The following SUGCT variants were observed in gnomAD, a reference collection of about 807,000 sequenced individuals.
SUGCT encodes the protein succinyl-CoA:glutarate-CoA transferase, also known as succinyl-CoA:glutarate CoA-transferase.
SUGCT carries 41 observed loss-of-function variants against 55.0 expected under a neutral mutation model. The observed-to-expected ratio is 0.74, with a 90% CI of 0.58 to 0.97. The LOEUF is 0.97. Among genes scored for constraint, SUGCT ranks in the 50% least tolerant of loss-of-function variants. The probability of loss-of-function intolerance (pLI) is 0.00; values close to 1 mark genes in which losing one functional copy is unlikely to be tolerated. For synonymous variants in SUGCT, 187 were observed against 200.4 expected, an observed-to-expected ratio of 0.93 and a Z score of 0.56; for missense variants, 568 against 547.8, an observed-to-expected ratio of 1.04 and a Z score of -0.37.
intron 13 of SUGCT, among the ~76,000 whole-genome samples, chr7:40,849,536 A>G (rs1049944719): frequency 6.6e-6 from 1 of 152,070 alleles, no homozygotes; most frequent in Non-Finnish European, 1.5e-5. Flanking sequence ...GGTTTCCCCC[A>G]TGTTTTTGGC....
chr7:40,929,385 C>T, the SUGCT span, among the ~76,000 whole-genome samples: 14 of 152,228 alleles, frequency 9.2e-5, no homozygotes, highest in Middle Eastern at 3.4e-3. Context: ...AATAAACACA[C>T]GTGTGCATGT....
intron 12 of SUGCT, among the ~76,000 whole-genome samples, chr7:40,667,701 T>G (rs891800108): frequency 1.3e-5 from 2 of 152,152 alleles, no homozygotes; most frequent in Admixed American, 6.5e-5. Context: ...CAGTAATTTA[T>G]TCATTTCCTC....
At chr7:40,959,517 C>G in the SUGCT span, among the ~76,000 whole-genome samples, 2 of 152,142 alleles carry the variant, frequency 1.3e-5, no homozygotes, top group African/African-American at 4.8e-5. Flanking sequence ...TGACCCTCCC[C>G]CCACCAAGCT....
intron 9 of SUGCT, among the ~76,000 whole-genome samples, chr7:40,354,483 T>TA (rs1295543174): frequency 6.6e-6 from 1 of 152,242 alleles, no homozygotes; most frequent in African/African-American, 2.4e-5. Context: ...CTTCTTGAGA[T>TA]ACAGTGCCCA....
At position 40,356,819 on chromosome 7, in the gene SUGCT, T is replaced by C. The variant is rs1181923199; in HGVS notation, c.816+39964T>C. On this transcript the variant is annotated intron_variant, in intron 9 of 13. Coordinates refer to ENST00000335693, the MANE Select transcript of SUGCT (RefSeq NM_001193313.2). ...TCTTCAGCCTCTTCAAAATCAGTACTGACTCCTTGAAAGAACAACTGAACA... is the reference window on the plus strand; with the variant it reads ...TCTTCAGCCTCTTCAAAATCAGTACCGACTCCTTGAAAGAACAACTGAACA... Among the ~76,000 whole-genome samples the C allele has an allele frequency of 3.9e-5, 6 of 152,348 alleles. No individual in the cohort carries two copies. In the South Asian group the frequency reaches 6.2e-4, roughly 16 times the overall value.
intron 9 of SUGCT, among the ~76,000 whole-genome samples, chr7:40,440,156 T>G (rs55973837): frequency 0.013 from 1,057 of 78,368 alleles, 8 homozygotes; most frequent in Non-Finnish European, 0.023. Context: ...TTTTTTTTTT[T>G]TTTTTTTTTT....
chr7:40,272,664 ATT>A (rs1187514804), intron 7 of SUGCT, among the ~76,000 whole-genome samples: 2 of 133,502 alleles, frequency 1.5e-5, no homozygotes, highest in Non-Finnish European at 1.6e-5. Flanking sequence ...TATTATTATT[ATT>A]TTTTTTTTTT....
intron 3 of SUGCT, among the ~76,000 whole-genome samples, chr7:40,185,209 TA>T (rs1228778278): frequency 5.3e-5 from 8 of 152,220 alleles, no homozygotes; most frequent in Non-Finnish European, 2.9e-5. Context: ...TTAAAGCTTC[TA>T]ATTTCCATAT....
At chr7:40,961,711 T>A in the SUGCT span, among the ~76,000 whole-genome samples, 1 of 152,092 alleles carries the variant, frequency 6.6e-6, no homozygotes, top group Non-Finnish European at 1.5e-5. Flanking sequence ...TTCCTTCAGA[T>A]GTTCAGATGT....
At chr7:40,898,011 G>C in the SUGCT span, among the ~76,000 whole-genome samples, 1 of 152,148 alleles carries the variant, frequency 6.6e-6, no homozygotes, top group Non-Finnish European at 1.5e-5. Flanking sequence ...CCCTTCCGGT[G>C]TGAAAGGTGT....
the SUGCT span, among the ~76,000 whole-genome samples, chr7:41,035,560 C>G: frequency 4.5e-3 from 689 of 152,242 alleles, 3 homozygotes; most frequent in African/African-American, 0.016. Context: ...TTTTGTTATG[C>G]CTAGGACAGG....
chr7:41,013,265 A>C, the SUGCT span, among the ~76,000 whole-genome samples: 1 of 152,204 alleles, frequency 6.6e-6, no homozygotes, highest in African/African-American at 2.4e-5. Context: ...ATGGCTTGGT[A>C]AACTAATCAC....
intron 12 of SUGCT, among the ~76,000 whole-genome samples, chr7:40,749,064 C>T (rs911454808): frequency 1.3e-5 from 2 of 152,152 alleles, no homozygotes; most frequent in African/African-American, 4.8e-5. Context: ...ATTTCTTGAC[C>T]TTGGCCGAGT....
At chr7:40,301,353 A>G (rs1794526140) in intron 8 of SUGCT, among the ~76,000 whole-genome samples, 1 of 152,166 alleles carries the variant, frequency 6.6e-6, no homozygotes, top group South Asian at 2.1e-4. Context: ...CTCACTTGCT[A>G]TTCTTCAGAT....
intron 6 of SUGCT, chr7:40,217,527 C>T (rs1048772446): frequency 7.6e-6 from 3 of 393,080 alleles, no homozygotes; most frequent in Admixed American, 2.8e-5. Flanking sequence ...CCTGAATTAT[C>T]GTTGTCTCCA....
intron 6 of SUGCT, among the ~76,000 whole-genome samples, chr7:40,216,451 G>T (rs1208803798): frequency 7.3e-6 from 1 of 136,436 alleles, no homozygotes; most frequent in Non-Finnish European, 1.5e-5. Flanking sequence ...AGTGAGCCAA[G>T]ATCGTGCCAC....
At chr7:40,317,719 C>T (rs989017553) in intron 9 of SUGCT, among the ~76,000 whole-genome samples, 4 of 152,164 alleles carry the variant, frequency 2.6e-5, no homozygotes, top group Admixed American at 2.0e-4. Context: ...ATTCATCAAC[C>T]CTGCTAATCA....
intron 12 of SUGCT, among the ~76,000 whole-genome samples, chr7:40,735,169 T>A (rs1415823994): frequency 6.6e-6 from 1 of 152,176 alleles, no homozygotes; most frequent in Non-Finnish European, 1.5e-5. Flanking sequence ...CTTGAAAGTT[T>A]GTAGTTTGGT....
chr7:40,353,830 T>C (rs1034639244), intron 9 of SUGCT, among the ~76,000 whole-genome samples: 1 of 152,222 alleles, frequency 6.6e-6, no homozygotes, highest in Non-Finnish European at 1.5e-5. Flanking sequence ...TGTCACTTAC[T>C]TCTGATAAAA....
Sources: allele counts gnomAD v4.1 joint callset (sites outside exome capture counted in the v4.1 genomes callset), GRCh38; gene constraint gnomAD v4.1.1; transcripts MANE v1.5; gene names NCBI Gene and HGNC (gene_info 2026-07-23, HGNC 2026-07-21).